Variants in ZNF354B observed in about 807,000 individuals in gnomAD.
The protein encoded by ZNF354B is zinc finger protein 354B.
ZNF354B carries 10 observed loss-of-function variants against 12.9 expected under a neutral mutation model. The ratio of observed to expected loss-of-function variants is 0.77; its 90% confidence interval spans 0.48 to 1.31. The LOEUF (loss-of-function observed/expected upper bound fraction) is 1.31. ZNF354B is among the 40% of genes most tolerant of loss of function. ZNF354B has a pLI of 0.00. For missense variants in ZNF354B, 614 were observed against 711.7 expected, an observed-to-expected ratio of 0.86 and a Z score of 1.56; for synonymous variants, 260 against 243.7, an observed-to-expected ratio of 1.07 and a Z score of -0.62.
intron 4 of ZNF354B, among the ~76,000 whole-genome samples, chr5:178,877,162 C>CTTTGT (rs758473039): frequency 2.0e-5 from 3 of 151,708 alleles, no homozygotes; most frequent in East Asian, 1.9e-4. Context: ...TGCAGTTGTT[C>CTTTGT]TTTGTTTTGT....
rs566449589 is a variant in ZNF354B at position 178,873,404 on chromosome 5, T to C, written c.256+6333T>C. Among the ~76,000 whole-genome samples, 47 of 152,378 alleles carry C rather than the reference T, an allele frequency of 3.1e-4. 1 individual carries two copies. The highest frequency in any genetic ancestry group is 9.1e-4 in the Admixed American group (14 of 15,304). On this transcript the variant is annotated intron_variant, in intron 4 of 4. Transcript: ENST00000322434. ...ATGAAGATTTTCTGCCATGTTCTTCTAGAAGTGCTGTAGTTTTACATTTTA... is the reference window on the plus strand; with the variant it reads ...ATGAAGATTTTCTGCCATGTTCTTCCAGAAGTGCTGTAGTTTTACATTTTA...
chr5:178,863,288 GTATA>G (rs982274914), intron 2 of ZNF354B, among the ~76,000 whole-genome samples: 3 of 152,134 alleles, frequency 2.0e-5, no homozygotes, highest in Admixed American at 6.5e-5. Context: ...GGATACGTGT[GTATA>G]TATATGTGCA....
intron 4 of ZNF354B, among the ~76,000 whole-genome samples, chr5:178,873,476 G>A (rs145586785): frequency 2.7e-3 from 414 of 152,216 alleles, no homozygotes; most frequent in African/African-American, 9.5e-3. Context: ...TGTTAGATGC[G>A]AGGTTCATTT....
intron 4 of ZNF354B, among the ~76,000 whole-genome samples, chr5:178,872,631 C>A (rs1480494677): frequency 6.6e-6 from 1 of 152,206 alleles, no homozygotes; most frequent in African/African-American, 2.4e-5. Context: ...AATGTTGTTA[C>A]ATCCTTGCCA....
chr5:178,866,851 T>C, intron 3 of ZNF354B, 125 bp from the exon 4 acceptor site: 1 of 870,102 alleles, frequency 1.1e-6, no homozygotes, highest in Middle Eastern at 2.3e-4. Flanking sequence ...TTTATAAGTT[T>C]TAATTACATC....
rs192546301 is a variant in ZNF354B, at chr5:178,870,285, T to C, written c.256+3214T>C. Among the ~76,000 whole-genome samples the C allele has an allele frequency of 1.8e-4, 28 of 152,328 alleles. No individual in the cohort carries two copies. The East Asian group carries it at 5.4e-3, about 29-fold the overall frequency. ...CTCAAAATATACTTGTACAAAGTTA[T>C]TTTCTTTTGAGATGGACTCTTGCTC... On this transcript the variant is annotated intron_variant, in intron 4 of 4. Coordinates refer to ENST00000322434, the MANE Select transcript of ZNF354B (RefSeq NM_058230.3).
At chr5:178,861,311 A>G (rs1295760823) in intron 2 of ZNF354B, among the ~76,000 whole-genome samples, 1 of 147,320 alleles carries the variant, frequency 6.8e-6, no homozygotes, top group Non-Finnish European at 1.5e-5. Context: ...TTGTGTGACT[A>G]GTTTGACAAG....
intron 4 of ZNF354B, among the ~76,000 whole-genome samples, chr5:178,871,488 T>C (rs560616009): frequency 2.0e-5 from 3 of 152,344 alleles, no homozygotes; most frequent in Admixed American, 1.3e-4. Flanking sequence ...TCCCTCTCCA[T>C]GCTTAGCGCT....
rs746983692 is a variant in ZNF354B, at chr5:178,866,280, A to G, written c.70A>G (p.Thr24Ala). The change falls in exon 3 of 5, where the codon ACC becomes GCC. Residue 24 changes from threonine (T) to alanine (A), a missense_variant. Transcript: ENST00000322434. ...LTFEDVAVLF[T>A]WDEWRKLAPS... ...ATTCGAGGACGTGGCTGTGCTCTTTACCTGGGATGAGTGGAGAAAGCTGGC... is the reference window on the plus strand; with the variant it reads ...ATTCGAGGACGTGGCTGTGCTCTTTGCCTGGGATGAGTGGAGAAAGCTGGC... 3.7e-6 allele frequency: 6 copies of G among 1,613,992 alleles called. No individual in the cohort carries two copies. The highest frequency in any genetic ancestry group is 1.7e-5 in the Admixed American group (1 of 59,996).
Position 178,883,738 on chromosome 5 carries a change from G to A in ZNF354B, c.1286G>A (p.Arg429Gln), listed in dbSNP as rs571224209. The change falls in exon 5 of 5, where the codon CGA (arginine) becomes CAA (glutamine). Residue 429 changes from arginine (R) to glutamine (Q), a missense_variant. By Grantham distance (43) the Arg-to-Gln change is conservative. Coordinates refer to ENST00000322434, the MANE Select transcript of ZNF354B (RefSeq NM_058230.3). Reference sequence around the variant, plus strand: ...TCTATTTCACGACTTAATAGACACCGAATAATTCATACTGGAGAGAAATTG... The same window carrying A: ...TCTATTTCACGACTTAATAGACACCAAATAATTCATACTGGAGAGAAATTG... Reference protein sequence around the residue: ...FTSISRLNRHRIIHTGEKLYN... With the variant: ...FTSISRLNRHQIIHTGEKLYN... 2.2e-5 allele frequency: 35 copies of A among 1,614,096 alleles called. No homozygotes were observed. Among genetic ancestry groups the A allele is most frequent in the Middle Eastern group, 3.3e-4 (2 of 6,062 alleles).
intron 4 of ZNF354B, among the ~76,000 whole-genome samples, chr5:178,873,089 G>T (rs1757587585): frequency 6.6e-6 from 1 of 152,114 alleles, no homozygotes; most frequent in South Asian, 2.1e-4. Context: ...CACCTGGCCT[G>T]TGTTTCTTAT....
rs768881336 is a variant in ZNF354B, at chr5:178,882,868, A to G, written c.416A>G (p.Glu139Gly). The change falls in exon 5 of 5, where the codon GAA (glutamate) becomes GGA (glycine). Residue 139 changes from glutamate (E) to glycine (G), a missense_variant. Transcript: ENST00000322434. Reference sequence around the variant, plus strand: ...TTAAAGAAACAGCAGGACAAAAATGAAAATTTACAAATAATTTCAGTTGCC... The same window carrying G: ...TTAAAGAAACAGCAGGACAAAAATGGAAATTTACAAATAATTTCAGTTGCC... The part of the protein sequence containing the change: ...EKLKKQQDKN[E>G]NLQIISVAHT... 2.5e-6 allele frequency: 4 copies of G among 1,602,372 alleles called. No homozygotes were observed. Among genetic ancestry groups the G allele is most frequent in the Non-Finnish European group, 3.4e-6 (4 of 1,177,390 alleles).
At chr5:178,865,691 C>G (rs1757437158) in intron 2 of ZNF354B, among the ~76,000 whole-genome samples, 1 of 152,184 alleles carries the variant, frequency 6.6e-6, no homozygotes, top group Admixed American at 6.5e-5. Context: ...ATGATTAATA[C>G]AAAGCTCTAA....
At chr5:178,864,188 A>G (rs1263979283) in intron 2 of ZNF354B, among the ~76,000 whole-genome samples, 1 of 152,232 alleles carries the variant, frequency 6.6e-6, no homozygotes, top group African/African-American at 2.4e-5. Context: ...CCAGTCCTGG[A>G]AGCTCCATTC....
chr5:178,861,624 C>T (rs1019762377), intron 2 of ZNF354B, among the ~76,000 whole-genome samples: 4 of 151,870 alleles, frequency 2.6e-5, no homozygotes, highest in Admixed American at 1.3e-4. Flanking sequence ...CTAGTTGAGA[C>T]GAGAGTGAAC....
At chr5:178,860,269 C>G (rs1306184744) in intron 1 of ZNF354B, 142 bp downstream of exon 1, 1 of 151,992 alleles carries the variant, frequency 6.6e-6, no homozygotes, top group Non-Finnish European at 1.5e-5. Flanking sequence ...GACTTGGACT[C>G]TCGCCCCTCA....
At chr5:178,879,540 C>T (rs1043004568) in intron 4 of ZNF354B, among the ~76,000 whole-genome samples, 8 of 151,932 alleles carry the variant, frequency 5.3e-5, no homozygotes, top group Non-Finnish European at 1.2e-4. Flanking sequence ...CCATCATGCC[C>T]AGCTAATTTT....
chr5:178,862,118 A>G (rs1441005649), intron 2 of ZNF354B, among the ~76,000 whole-genome samples: 2 of 152,208 alleles, frequency 1.3e-5, no homozygotes, highest in Non-Finnish European at 2.9e-5. Context: ...AGTGTCTAGC[A>G]TACCAGGGAA....
In ZNF354B at chr5:178,864,322, G is replaced by A. The variant is rs1757412664; in HGVS notation, c.34-1922G>A. Among the ~76,000 whole-genome samples the A allele has an allele frequency of 3.9e-5, 6 of 152,128 alleles. 1 individual carries two copies. Among genetic ancestry groups the A allele is most frequent in the Admixed American group, 3.9e-4 (6 of 15,274 alleles). ...TAGCATTGTCTTACAGTTCTCTACAGTATTCAGTACGGTAACATGCTGTAC... is the reference window on the plus strand; with the variant it reads ...TAGCATTGTCTTACAGTTCTCTACAATATTCAGTACGGTAACATGCTGTAC... On this transcript the variant is annotated intron_variant, in intron 2 of 4. Coordinates refer to ENST00000322434, the MANE Select transcript of ZNF354B (RefSeq NM_058230.3).
Sources: allele counts gnomAD v4.1 joint callset (sites outside exome capture counted in the v4.1 genomes callset), GRCh38; gene constraint gnomAD v4.1.1; transcripts MANE v1.5; gene names NCBI Gene and HGNC (gene_info 2026-07-23, HGNC 2026-07-21).